HMGA2: variants seen among roughly 807,000 people sequenced by gnomAD.
HMGA2 encodes the protein high mobility group protein HMGI-C.
In HMGA2, 8 loss-of-function variants were observed where a neutral mutation model predicts 19.1. That is an observed-to-expected ratio of 0.42 (90% CI 0.25 to 0.76). The LOEUF (loss-of-function observed/expected upper bound fraction) is 0.76. Ranked by LOEUF, HMGA2 falls within the 30% of genes least tolerant of loss-of-function variation. The pLI is 0.28. For missense variants in HMGA2, 109 were observed against 136.3 expected (o/e 0.80, Z 1.00); for synonymous variants, 60 against 48.8 (o/e 1.23, Z -0.96).
At chr12:65,877,503 T>C (rs1873107429) in intron 3 of HMGA2, among the ~76,000 whole-genome samples, 1 of 152,192 alleles carries the variant, frequency 6.6e-6, no homozygotes, top group African/African-American at 2.4e-5. Context: ...TGGGAGAATG[T>C]AAAACACACG....
At chr12:65,837,011 C>G (rs1001578190) in intron 2 of HMGA2, among the ~76,000 whole-genome samples, 1 of 152,172 alleles carries the variant, frequency 6.6e-6, no homozygotes, top group Non-Finnish European at 1.5e-5. Context: ...CTGCCACTTA[C>G]CTGCTTTGTT....
At chr12:65,856,644 A>G (rs1434588490) in intron 3 of HMGA2, 1 of 152,348 alleles carries the variant, frequency 6.6e-6, no homozygotes, top group Non-Finnish European at 1.5e-5. Flanking sequence ...GCTCTTTCAC[A>G]GTCTGGAAAC....
At chr12:65,936,290 G>A (rs970033641) in intron 3 of HMGA2, among the ~76,000 whole-genome samples, 4 of 151,904 alleles carry the variant, frequency 2.6e-5, no homozygotes, top group African/African-American at 7.3e-5. Flanking sequence ...AAATAGCCAG[G>A]CTAGAGCTGA....
chr12:65,935,379 C>A (rs1016076255), intron 3 of HMGA2, among the ~76,000 whole-genome samples: 3 of 152,194 alleles, frequency 2.0e-5, no homozygotes, highest in Admixed American at 6.5e-5. Context: ...CATCTAAGCA[C>A]AAAGCAGCTA....
intron 2 of HMGA2, among the ~76,000 whole-genome samples, chr12:65,833,499 G>C (rs777891473): frequency 6.6e-6 from 1 of 151,620 alleles, no homozygotes; most frequent in African/African-American, 2.4e-5. Flanking sequence ...AAAATGATGA[G>C]AGAACTTGTA....
At chr12:65,889,318 G>C (rs1349096471) in intron 3 of HMGA2, among the ~76,000 whole-genome samples, 1 of 152,196 alleles carries the variant, frequency 6.6e-6, no homozygotes, top group Non-Finnish European at 1.5e-5. Flanking sequence ...CGAGCTGCCA[G>C]TGTTATTTGC....
At position 65,932,566 on chromosome 12, in the gene HMGA2, A is replaced by G. The variant is rs184635511; in HGVS notation, c.250-18817A>G. On this transcript the variant is annotated intron_variant, in intron 3 of 4. Transcript: ENST00000403681. ...GAATAAACAAGTTCAATGGATAGTT[A>G]AAAGGATAGTTTCAATTCTATAAAC... 7.9e-5 allele frequency among the ~76,000 whole-genome samples: 12 copies of G among 152,370 alleles called. No individual in the cohort carries two copies. The East Asian group carries it at 2.3e-3, about 29-fold the overall frequency.
At chr12:65,906,485 C>T (rs150183039) in intron 3 of HMGA2, among the ~76,000 whole-genome samples, 110 of 152,272 alleles carry the variant, frequency 7.2e-4, no homozygotes, top group Admixed American at 1.2e-3. Context: ...TTCATGGGCT[C>T]TGTAGCTTTA....
At position 65,827,694 on chromosome 12, in the gene HMGA2, T is replaced by A. The variant is rs988105676; in HGVS notation, c.112-307T>A. On this transcript the variant is annotated intron_variant, in intron 1 of 4. Coordinates refer to ENST00000403681, the MANE Select transcript of HMGA2 (RefSeq NM_003483.6). Reference sequence around the variant, plus strand: ...GCCAAATGCATAGCCCTGTAAACTTTACACCTTAAAAGTATATGACTTTCT... The same window carrying A: ...GCCAAATGCATAGCCCTGTAAACTTAACACCTTAAAAGTATATGACTTTCT... 1.7e-4 allele frequency among the ~76,000 whole-genome samples: 26 copies of A among 152,250 alleles called. 1 individual carries two copies. The highest frequency in any genetic ancestry group is 1.5e-3 in the Admixed American group (23 of 15,282).
chr12:65,851,660 A>C (rs1008612574), intron 3 of HMGA2: 4 of 445,090 alleles, frequency 9.0e-6, no homozygotes, highest in Non-Finnish European at 1.8e-5. Flanking sequence ...ACTCTGTCTC[A>C]AAACAACAAC....
At chr12:65,901,801 C>T (rs1000744076) in intron 3 of HMGA2, among the ~76,000 whole-genome samples, 7 of 151,906 alleles carry the variant, frequency 4.6e-5, no homozygotes, top group Admixed American at 2.6e-4. Context: ...ATAAATCCCC[C>T]ACAATTTTCT....
In HMGA2 at chr12:65,965,191, C is replaced by T. The variant is rs1340815406; in HGVS notation, c.*1899C>T. On this transcript the variant is annotated 3_prime_UTR_variant, in exon 5 of 5. Transcript: ENST00000403681. ...GCTTTGTAGGTGAGATGCAACAAGC[C>T]CTGCTTTTGCATAATGCAATCAAAA... 5.0e-6 allele frequency: 1 copy of T among 199,720 alleles called. No individual in the cohort carries two copies. The highest frequency in any genetic ancestry group is 1.0e-5 in the Non-Finnish European group (1 of 96,628). The allele number at this position is 199,720 out of a possible 1,614,324, so 12.4% of individuals were successfully genotyped here.
chr12:65,901,906 AT>A (rs1874387974), intron 3 of HMGA2, among the ~76,000 whole-genome samples: 1 of 152,178 alleles, frequency 6.6e-6, no homozygotes, highest in African/African-American at 2.4e-5. Context: ...AAGAAACACG[AT>A]CTCCACCAAC....
intron 3 of HMGA2, among the ~76,000 whole-genome samples, chr12:65,850,320 T>C (rs890234955): frequency 6.6e-6 from 1 of 152,182 alleles, no homozygotes; most frequent in Non-Finnish European, 1.5e-5. Flanking sequence ...CTATTTGCAC[T>C]GTTGGAAGTT....
chr12:65,933,848 C>A (rs561920733), intron 3 of HMGA2, among the ~76,000 whole-genome samples: 4 of 152,044 alleles, frequency 2.6e-5, no homozygotes, highest in Non-Finnish European at 5.9e-5. Context: ...TTGTTTGAAC[C>A]CATAGGGCCA....
chr12:65,965,185 A>G lies in HMGA2; in HGVS notation c.*1893A>G, dbSNP rs1042734. 5.0e-6 allele frequency: 1 copy of G among 200,098 alleles called. No individual in the cohort carries two copies. Among genetic ancestry groups the G allele is most frequent in the Non-Finnish European group, 1.0e-5 (1 of 96,766 alleles). 12.4% of individuals were successfully genotyped at this position (200,098 alleles called of 1,614,324 possible). A position where few individuals can be genotyped will look rare whatever the true frequency, so the allele number is the denominator to read the frequency against. On this transcript the variant is annotated 3_prime_UTR_variant, in exon 5 of 5. Coordinates refer to ENST00000403681, the MANE Select transcript of HMGA2 (RefSeq NM_003483.6). ...CTTGAAGCTTTGTAGGTGAGATGCA[A>G]CAAGCCCTGCTTTTGCATAATGCAA... is the stretch of plus-strand genomic sequence containing the variant.
At chr12:65,945,057 A>G (rs773982049) in intron 3 of HMGA2, among the ~76,000 whole-genome samples, 3 of 151,176 alleles carry the variant, frequency 2.0e-5, no homozygotes, top group Admixed American at 6.6e-5. Context: ...TTTTTTACTT[A>G]ACCTCCCCTG....
At chr12:65,861,636 A>AC (rs928776829) in intron 3 of HMGA2, among the ~76,000 whole-genome samples, 2 of 150,998 alleles carry the variant, frequency 1.3e-5, no homozygotes, top group Admixed American at 1.3e-4. Flanking sequence ...AAAAAAAAAA[A>AC]AAAAACCTAG....
intron 3 of HMGA2, among the ~76,000 whole-genome samples, chr12:65,880,111 T>C (rs138968548): frequency 2.0e-3 from 307 of 152,370 alleles, no homozygotes; most frequent in Non-Finnish European, 3.5e-3. Flanking sequence ...GAGGTGCCAC[T>C]TGCACATTCT....
Sources: allele counts gnomAD v4.1 joint callset (sites outside exome capture counted in the v4.1 genomes callset), GRCh38; gene constraint gnomAD v4.1.1; transcripts MANE v1.5; gene names NCBI Gene and HGNC (gene_info 2026-07-23, HGNC 2026-07-21).